FAM151B: variants seen among roughly 807,000 people sequenced by gnomAD.
The protein encoded by FAM151B is protein FAM151B.
Under a neutral mutation model 31.2 loss-of-function variants are expected in FAM151B, and 24 were observed. The observed-to-expected ratio is 0.77, with a 90% CI of 0.56 to 1.08. The LOEUF (loss-of-function observed/expected upper bound fraction) is 1.08, where lower values mean the gene tolerates loss of function less well. FAM151B is among the 50% of genes least tolerant of loss of function. FAM151B has a pLI of 0.00. For missense variants in FAM151B, 293 were observed against 328.6 expected (o/e 0.89, Z 0.84); for synonymous variants, 105 against 111.4 (o/e 0.94, Z 0.36).
rs2112627807 is a variant in FAM151B at position 80,513,693 on chromosome 5, A to C, written c.241A>C (p.Asn81His). The change falls in exon 3 of 6, where the codon AAC becomes CAC. Residue 81 changes from asparagine (N) to histidine (H), a missense_variant. Asn to His is a moderately conservative substitution (Grantham distance 68). Transcript: ENST00000282226. Reference protein sequence around the residue: ...QPIMAHPPETNSDNTLQEWLT... With the variant: ...QPIMAHPPETHSDNTLQEWLT... The stretch of plus-strand genomic sequence containing the variant: ...AATTATGGCCCATCCCCCTGAAACA[A>C]ACAGTGATAATACTCTACAGGAGTG... 1.2e-6 allele frequency: 2 copies of C among 1,614,168 alleles called. No individual in the cohort carries two copies. The highest frequency in any genetic ancestry group is 4.5e-5 in the East Asian group (2 of 44,882).
intron 1 of FAM151B, chr5:80,500,804 A>G (rs1561362133): frequency 1.3e-6 from 2 of 1,495,686 alleles, no homozygotes; most frequent in South Asian, 2.2e-5. Flanking sequence ...AAGCGTGGTT[A>G]TGGCAAAATC....
intron 1 of FAM151B, 106 bp from the exon 2 acceptor site, chr5:80,501,686 C>T (rs1279161906): frequency 8.8e-6 from 6 of 683,640 alleles, no homozygotes; most frequent in Non-Finnish European, 1.4e-5. Context: ...ATATATATAT[C>T]ACATAACAGC....
Position 80,513,670 on chromosome 5 carries a change from T to C in FAM151B, c.218T>C (p.Ile73Thr). Residue 73 changes from isoleucine (I) to threonine (T), a missense_variant, in exon 3 of 6, where the codon ATT becomes ACT. By Grantham distance (89) the Ile-to-Thr change is moderately conservative. Transcript: ENST00000282226. ...PSDGSEHSQP[I>T]MAHPPETNSD... ...GATGGATCAGAACACAGCCAGCCAA[T>C]TATGGCCCATCCCCCTGAAACAAAC... The C allele has an allele frequency of 1.2e-6, 2 of 1,614,122 alleles. No homozygotes were observed. Among genetic ancestry groups the C allele is most frequent in the Non-Finnish European group, 1.7e-6 (2 of 1,180,030 alleles).
intron 2 of FAM151B, among the ~76,000 whole-genome samples, chr5:80,509,596 G>A (rs1202301244): frequency 2.6e-5 from 4 of 152,126 alleles, no homozygotes; most frequent in Admixed American, 6.5e-5. Flanking sequence ...ATTTTGGCCC[G>A]AGACTGTCTC....
intron 3 of FAM151B, chr5:80,518,802 A>T (rs554047945): frequency 6.6e-6 from 1 of 152,214 alleles, no homozygotes; most frequent in Non-Finnish European, 1.5e-5. Flanking sequence ...AGAGAGGTAG[A>T]AGCATAGACA....
At chr5:80,491,076 A>G (rs1743315185) in intron 1 of FAM151B, among the ~76,000 whole-genome samples, 1 of 152,186 alleles carries the variant, frequency 6.6e-6, no homozygotes, top group Non-Finnish European at 1.5e-5. Context: ...GTTATGATAC[A>G]TGTATACATG....
chr5:80,503,166 A>G (rs996834432), intron 2 of FAM151B, among the ~76,000 whole-genome samples: 3 of 152,232 alleles, frequency 2.0e-5, no homozygotes. Flanking sequence ...GAAAAAAATG[A>G]TAGGAAAGGA....
intron 2 of FAM151B, 98 bp from the exon 3 acceptor site, chr5:80,513,504 CTT>C: frequency 1.7e-6 from 2 of 1,202,992 alleles, no homozygotes; most frequent in Non-Finnish European, 2.3e-6. Flanking sequence ...CTTTTCTTTC[CTT>C]TTTTTTTATC....
At position 80,501,444 on chromosome 5, in the gene FAM151B, A is replaced by T. The variant is rs114374626; in HGVS notation, c.26-348A>T. On this transcript the variant is annotated intron_variant, in intron 1 of 5. Coordinates refer to ENST00000282226, the MANE Select transcript of FAM151B (RefSeq NM_205548.3). ...ATTTTTCTAAGCTGGTCAGTTAGTA[A>T]ACAGTACCTGCTCTCAAATTGAAAA... The T allele has an allele frequency of 1.5e-3, 609 of 404,376 alleles. 2 individuals carry two copies. The highest frequency in any genetic ancestry group is 0.012 in the African/African-American group (573 of 47,328). 25.0% of individuals were successfully genotyped at this position (404,376 alleles called of 1,614,324 possible). A position where few individuals can be genotyped will look rare whatever the true frequency, so the allele number is the denominator to read the frequency against.
intron 1 of FAM151B, chr5:80,500,067 C>T: frequency 1.4e-5 from 3 of 219,000 alleles, no homozygotes; most frequent in Non-Finnish European, 2.7e-5. Context: ...ATTATTCAGC[C>T]CTAAAGAAGA....
intron 5 of FAM151B, among the ~76,000 whole-genome samples, chr5:80,523,310 A>G (rs984351749): frequency 1.3e-5 from 2 of 152,228 alleles, no homozygotes; most frequent in Non-Finnish European, 1.5e-5. Flanking sequence ...TGACAAATAA[A>G]GGATTTTTAC....
chr5:80,536,155 A>AGTTTT (rs1476136778), intron 5 of FAM151B, among the ~76,000 whole-genome samples: 4 of 151,982 alleles, frequency 2.6e-5, no homozygotes, highest in South Asian at 4.2e-4. Context: ...AGTTTAGTTT[A>AGTTTT]GTTTAGTTTT....
intron 5 of FAM151B, among the ~76,000 whole-genome samples, chr5:80,530,338 C>T (rs1184606627): frequency 6.6e-6 from 1 of 151,986 alleles, no homozygotes; most frequent in African/African-American, 2.4e-5. Flanking sequence ...GACAGGGATG[C>T]CCTCTCTCAC....
intron 1 of FAM151B, among the ~76,000 whole-genome samples, chr5:80,494,278 C>G (rs1452617724): frequency 1.3e-5 from 2 of 152,104 alleles, no homozygotes; most frequent in East Asian, 1.9e-4. Flanking sequence ...GAGGTTGATT[C>G]ATGAGGTTTA....
Position 80,519,841 on chromosome 5 carries a change from T to C in FAM151B, c.466T>C (p.Ser156Pro), listed in dbSNP as rs1176304809. 1.9e-6 allele frequency: 3 copies of C among 1,614,024 alleles called. No homozygotes were observed. The highest frequency in any genetic ancestry group is 2.7e-5 in the African/African-American group (2 of 74,920). ...AAAACCATTTTTAGACACCGTGATA[T>C]CCTTCTTTCCAGACGTGACGTTTTC... is the stretch of plus-strand genomic sequence containing the variant. ...DAKPFLDTVI[S>P]FFPDVTFSLG... Residue 156 changes from serine to proline, a missense_variant, in exon 4 of 6, where the codon TCC (serine) becomes CCC (proline). By Grantham distance (74) the Ser-to-Pro change is moderately conservative. Coordinates refer to ENST00000282226, the MANE Select transcript of FAM151B (RefSeq NM_205548.3).
chr5:80,521,081 TGCTGGGATTACAG>T (rs1310702186), intron 4 of FAM151B, among the ~76,000 whole-genome samples: 11 of 149,526 alleles, frequency 7.4e-5, no homozygotes, highest in African/African-American at 2.7e-4. Flanking sequence ...CCTCCCAAAG[TGCTGGGATTACAG>T]GCATGAGCCA....
intron 5 of FAM151B, among the ~76,000 whole-genome samples, chr5:80,538,483 T>TTTCCTTCCTTCCTTCC (rs1423375528): frequency 9.9e-6 from 1 of 101,024 alleles, no homozygotes; most frequent in Non-Finnish European, 2.0e-5. Flanking sequence ...TCTTTCTTTC[T>TTTCCTTCCTTCCTTCC]TTCCTTCCTT....
chr5:80,516,657 A>G (rs115354173), intron 3 of FAM151B, among the ~76,000 whole-genome samples: 1,526 of 152,360 alleles, frequency 0.01, 10 homozygotes, highest in Middle Eastern at 0.054. Flanking sequence ...TCGGATGATC[A>G]TCTTGGTGAA....
intron 4 of FAM151B, among the ~76,000 whole-genome samples, chr5:80,521,337 G>A (rs1022493894): frequency 1.3e-5 from 2 of 150,808 alleles, no homozygotes; most frequent in Non-Finnish European, 3.0e-5. Flanking sequence ...AGTTGCCCAG[G>A]CTGGTTTCAA....
Sources: allele counts gnomAD v4.1 joint callset (sites outside exome capture counted in the v4.1 genomes callset), GRCh38; gene constraint gnomAD v4.1.1; transcripts MANE v1.5; gene names NCBI Gene and HGNC (gene_info 2026-07-23, HGNC 2026-07-21).